DTX4: variants seen among roughly 807,000 people sequenced by gnomAD.
DTX4 encodes the protein E3 ubiquitin-protein ligase DTX4.
In DTX4, 28 loss-of-function variants were observed where a neutral mutation model predicts 57.6. The ratio of observed to expected loss-of-function variants is 0.49; its 90% CI spans 0.36 to 0.67. The LOEUF is 0.67. DTX4 is among the 30% of genes least tolerant of loss of function. The probability of loss-of-function intolerance (pLI) is 0.00; values close to 1 mark genes in which losing one functional copy is unlikely to be tolerated. For missense variants in DTX4, 715 were observed against 836.8 expected, an observed-to-expected ratio of 0.85 and a Z score of 1.80; for synonymous variants, 316 against 331.0, an observed-to-expected ratio of 0.95 and a Z score of 0.49.
At chr11:59,179,458 A>G (rs188429103) in intron 1 of DTX4, among the ~76,000 whole-genome samples, 1 of 152,124 alleles carries the variant, frequency 6.6e-6, no homozygotes, top group Non-Finnish European at 1.5e-5. Flanking sequence ...CCTTTTAACC[A>G]ATCAAATGTT....
At chr11:59,195,724 CTG>C (rs1376669741) in intron 7 of DTX4, among the ~76,000 whole-genome samples, 1 of 152,166 alleles carries the variant, frequency 6.6e-6, no homozygotes, top group Non-Finnish European at 1.5e-5. Flanking sequence ...GTTCTTGTGT[CTG>C]TGTAATCATC....
Position 59,208,509 on chromosome 11 carries a change from G to A in DTX4, c.*3600G>A, listed in dbSNP as rs550540430. The A allele has an allele frequency of 6.6e-6, 1 of 152,314 alleles. No homozygotes were observed. Among genetic ancestry groups the A allele is most frequent in the African/African-American group, 2.4e-5 (1 of 41,558 alleles). The allele number at this position is 152,314 out of a possible 1,614,324, so 9.4% of individuals were successfully genotyped here. On this transcript the variant is annotated 3_prime_UTR_variant, in exon 9 of 9. Coordinates refer to ENST00000227451, the MANE Select transcript of DTX4 (RefSeq NM_015177.2). ...TGTGTGTTTAAATTATTTACAGGCTGTTGTTTCTCAAATAAATGTTTAATA... is the reference window on the plus strand; with the variant it reads ...TGTGTGTTTAAATTATTTACAGGCTATTGTTTCTCAAATAAATGTTTAATA...
rs3837398 is a variant in DTX4 at position 59,206,509 on chromosome 11, GTATATATA to G, written c.*1614_*1621del. On this transcript the variant is annotated 3_prime_UTR_variant, in exon 9 of 9. Coordinates refer to ENST00000227451, the MANE Select transcript of DTX4 (RefSeq NM_015177.2). ...ATACCTCATGTTTTGGGGGTTTGAC[GTATATATA>G]TATATATATATATGCATATATATTT... is the stretch of plus-strand genomic sequence containing the variant. 181 of 142,264 alleles carry G rather than the reference GTATATATA, an allele frequency of 1.3e-3. 3 individuals carry two copies. Among genetic ancestry groups the G allele is most frequent in the African/African-American group, 4.7e-3 (178 of 38,000 alleles). 8.8% of individuals were successfully genotyped at this position (142,264 alleles called of 1,614,324 possible). A position where few individuals can be genotyped will look rare whatever the true frequency, so the allele number is the denominator to read the frequency against.
At position 59,181,961 on chromosome 11, in the gene DTX4, G is replaced by C; in HGVS notation, c.434G>C (p.Arg145Pro). 3 of 1,613,928 alleles carry C rather than the reference G, an allele frequency of 1.9e-6. No homozygotes were observed. The highest frequency in any genetic ancestry group is 2.5e-6 in the Non-Finnish European group (3 of 1,179,862). Residue 145 changes from arginine (R) to proline (P), a missense_variant, in exon 2 of 9, where the codon CGT (arginine) becomes CCT (proline). Coordinates refer to ENST00000227451, the MANE Select transcript of DTX4 (RefSeq NM_015177.2). ...IDFNTMGQINRQTQRQRRVRR... is the reference protein window; with the variant it reads ...IDFNTMGQINPQTQRQRRVRR... ...TTCAACACCATGGGCCAGATCAACC[G>C]TCAGACCCAGCGCCAACGCCGCGTC...
Position 59,182,144 on chromosome 11 carries a change from A to G in DTX4, c.617A>G (p.Asn206Ser), listed in dbSNP as rs763734958. 5.0e-6 allele frequency: 8 copies of G among 1,613,434 alleles called. No individual in the cohort carries two copies. The highest frequency in any genetic ancestry group is 1.3e-5 in the African/African-American group (1 of 75,036). Reference sequence around the variant, plus strand: ...ATGAGTGTTAAGGCAGCCGTGGTCAATGGCAGCACTGGGCCCCTACAGCTG... The same window carrying G: ...ATGAGTGTTAAGGCAGCCGTGGTCAGTGGCAGCACTGGGCCCCTACAGCTG... ...LVMSVKAAVV[N>S]GSTGPLQLPV... is the part of the protein sequence containing the mutation. Residue 206 changes from asparagine (N) to serine (S), a missense_variant, in exon 2 of 9, where the codon AAT becomes AGT. Transcript: ENST00000227451.
chr11:59,183,116 G>A (rs2135515626), intron 2 of DTX4, among the ~76,000 whole-genome samples: 1 of 152,314 alleles, frequency 6.6e-6, no homozygotes, highest in South Asian at 2.1e-4. Context: ...AGGGTACATA[G>A]CTAATCATTG....
intron 1 of DTX4, among the ~76,000 whole-genome samples, chr11:59,174,327 G>T (rs1189491207): frequency 1.3e-5 from 2 of 151,946 alleles, no homozygotes; most frequent in Non-Finnish European, 2.9e-5. Flanking sequence ...GGCTGAGGGG[G>T]AGGGAGAGAA....
chr11:59,194,780 C>T (rs756547747), intron 6 of DTX4: 9 of 210,068 alleles, frequency 4.3e-5, no homozygotes, highest in East Asian at 1.7e-4. Flanking sequence ...TCAGTGGACC[C>T]GATGTGGTGC....
chr11:59,176,654 GT>G (rs1327812784), intron 1 of DTX4, among the ~76,000 whole-genome samples: 1 of 152,240 alleles, frequency 6.6e-6, no homozygotes. Flanking sequence ...TTACATAGAT[GT>G]GTGTAACATG....
intron 8 of DTX4, among the ~76,000 whole-genome samples, chr11:59,204,422 C>T (rs767859661): frequency 5.3e-5 from 8 of 152,126 alleles, no homozygotes; most frequent in Non-Finnish European, 8.8e-5. Context: ...GTACCATTGC[C>T]ATTTCATAAA....
chr11:59,172,720 G>T lies in DTX4; in HGVS notation c.125G>T (p.Gly42Val), dbSNP rs1386126542. Residue 42 changes from glycine to valine, a missense_variant, in exon 1 of 9, where the codon GGC (glycine) becomes GTC (valine). By Grantham distance (109) the Gly-to-Val change is moderately radical (BLOSUM62 -3). Transcript: ENST00000227451. ...AVVRAGPRAG[G>V]SVVLGQVDSR... ...GTCCGCGCCGGCCCCCGCGCGGGGG[G>T]CAGCGTGGTGCTGGGCCAGGTGGAC... 5.6e-6 allele frequency: 9 copies of T among 1,603,714 alleles called. 1 individual carries two copies. The highest frequency in any genetic ancestry group is 5.6e-5 in the South Asian group (5 of 89,842).
rs777107239 is a variant in DTX4 at position 59,191,174 on chromosome 11, A to G, written c.1220A>G (p.Glu407Gly). ...YLQKVRHPPD[E>G]DCTICMERLT... ...CAGAAAGTCCGGCACCCACCAGATG[A>G]GGTGAGTTCAGGGTTAGAAGAGCGG... Residue 407 changes from glutamate to glycine, a missense_variant and splice_region_variant, in exon 5 of 9, where the codon GAG becomes GGG. By Grantham distance (98) the Glu-to-Gly change is moderately conservative. Coordinates refer to ENST00000227451, the MANE Select transcript of DTX4 (RefSeq NM_015177.2). The G allele has an allele frequency of 1.9e-6, 3 of 1,568,798 alleles. No homozygotes were observed. The Admixed American group carries it at 5.6e-5, about 29-fold the overall frequency.
intron 1 of DTX4, among the ~76,000 whole-genome samples, chr11:59,174,773 G>A (rs1342829083): frequency 1.3e-5 from 2 of 152,196 alleles, no homozygotes; most frequent in Admixed American, 6.5e-5. Context: ...ACTGCCTGGT[G>A]GTGAGCAATT....
chr11:59,186,215 G>GCGGGC lies in DTX4; in HGVS notation c.936-2518_936-2514dup, dbSNP rs1862526286. Among the ~76,000 whole-genome samples the GCGGGC allele has an allele frequency of 2.6e-5, 4 of 152,162 alleles. No homozygotes were observed. In the South Asian group the frequency reaches 8.3e-4, roughly 32 times the overall value. ...CTTCTTGTGTGTCCCAGGTCCACAT[G>GCGGGC]CGGGCCCTTCCCTCCCTCTCTCCAC... On this transcript the variant is annotated intron_variant, in intron 2 of 8. Transcript: ENST00000227451.
chr11:59,205,075 C>A lies in DTX4; in HGVS notation c.*166C>A. 1.6e-6 allele frequency: 1 copy of A among 614,102 alleles called. No homozygotes were observed. Among genetic ancestry groups the A allele is most frequent in the Non-Finnish European group, 2.9e-6 (1 of 348,898 alleles). The allele number at this position is 614,102 out of a possible 1,614,324, so 38.0% of individuals were successfully genotyped here. ...CCTCCCAACCACAGTGGGAGCCAGA[C>A]TGAATATAGCGACATCATTCATAAA... On this transcript the variant is annotated 3_prime_UTR_variant, in exon 9 of 9. Transcript: ENST00000227451.
chr11:59,183,549 G>A (rs1862492122), intron 2 of DTX4, among the ~76,000 whole-genome samples: 1 of 152,148 alleles, frequency 6.6e-6, no homozygotes. Context: ...AGAGAGGCCT[G>A]GCTCTGCCTG....
rs1311463382 is a variant in DTX4 at position 59,207,350 on chromosome 11, G to C, written c.*2441G>C. On this transcript the variant is annotated 3_prime_UTR_variant, in exon 9 of 9. Coordinates refer to ENST00000227451, the MANE Select transcript of DTX4 (RefSeq NM_015177.2). ...TGCCTGTGGCAATACCACTTGGAGA[G>C]GTCGACTTCATACCTTCAAGCCTTT... 2 of 152,356 alleles carry C rather than the reference G, an allele frequency of 1.3e-5. No homozygotes were observed. Among genetic ancestry groups the C allele is most frequent in the Non-Finnish European group, 2.9e-5 (2 of 68,136 alleles). The allele number at this position is 152,356 out of a possible 1,614,324, so 9.4% of individuals were successfully genotyped here. A position where few individuals can be genotyped will look rare whatever the true frequency, so the allele number is the denominator to read the frequency against.
chr11:59,182,462 G>A lies in DTX4; in HGVS notation c.935G>A (p.Gly312Glu). 1.3e-6 allele frequency: 2 copies of A among 1,595,012 alleles called. No individual in the cohort carries two copies. Among genetic ancestry groups the A allele is most frequent in the Non-Finnish European group, 1.7e-6 (2 of 1,169,386 alleles). ...IAQSRVLIAS[G>E]VPTVPVKNLN... ...CAGTCCCGGGTGCTGATCGCCTCTG[G>A]GTAAGTGCTTCCACAGCTGCCTCAG... The change falls in exon 2 of 9, where the codon GGG becomes GAG. Residue 312 changes from glycine (G) to glutamate (E), a missense_variant and splice_region_variant. Physicochemically the swap from Gly to Glu is moderately conservative, Grantham distance 98. Coordinates refer to ENST00000227451, the MANE Select transcript of DTX4 (RefSeq NM_015177.2).
At chr11:59,171,861 C>T (rs1211977970), upstream of DTX4, among the ~76,000 whole-genome samples, 1 of 152,006 alleles carries the variant, frequency 6.6e-6, no homozygotes, top group Non-Finnish European at 1.5e-5. Context: ...GAGAAAATTA[C>T]ATTTGGGGGA....
Sources: allele counts gnomAD v4.1 joint callset (sites outside exome capture counted in the v4.1 genomes callset), GRCh38; gene constraint gnomAD v4.1.1; transcripts MANE v1.5; gene names NCBI Gene and HGNC (gene_info 2026-07-23, HGNC 2026-07-21).